The following PHOX2A variants were observed in gnomAD, a reference collection of about 807,000 sequenced individuals.
The protein encoded by PHOX2A is paired mesoderm homeobox protein 2A.
Under a neutral mutation model 16.4 loss-of-function variants are expected in PHOX2A, and 10 were observed. The observed-to-expected ratio is 0.61, with a 90% CI of 0.38 to 1.04. The LOEUF (loss-of-function observed/expected upper bound fraction) is 1.04. Among genes scored for constraint, PHOX2A ranks in the 50% least tolerant of loss-of-function variants. The probability of loss-of-function intolerance (pLI) is 0.01; values close to 1 mark genes in which losing one functional copy is unlikely to be tolerated. For missense variants in PHOX2A, 361 were observed against 419.4 expected, an observed-to-expected ratio of 0.86 and a Z score of 1.22; for synonymous variants, 219 against 203.8, an observed-to-expected ratio of 1.07 and a Z score of -0.64.
chr11:72,239,447 T>C lies in PHOX2A; in HGVS notation c.*302A>G. 1 of 280,708 alleles carries C rather than the reference T, an allele frequency of 3.6e-6. No individual in the cohort carries two copies. The highest frequency in any genetic ancestry group is 2.2e-5 in the African/African-American group (1 of 45,786). 17.4% of individuals were successfully genotyped at this position (280,708 alleles called of 1,614,324 possible). ...TTGAGGACCTTCACTTTGAGGGCAC[T>C]GTTAGGGACAGGCCTCATGTGATAC... is the stretch of plus-strand genomic sequence containing the variant. On this transcript the variant is annotated 3_prime_UTR_variant, in exon 3 of 3. Transcript: ENST00000298231.
chr11:72,242,329 T>G (rs1167500537), intron 1 of PHOX2A, among the ~76,000 whole-genome samples: 1 of 152,136 alleles, frequency 6.6e-6, no homozygotes, highest in African/African-American at 2.4e-5. Flanking sequence ...GCACCCCATT[T>G]GTATTCTTAT....
rs746592765 is a variant in PHOX2A, at chr11:72,239,811, A to G, written c.793T>C (p.Ser265Pro). 2 of 1,358,800 alleles carry G rather than the reference A, an allele frequency of 1.5e-6. No individual in the cohort carries two copies. The highest frequency in any genetic ancestry group is 5.8e-5 in the East Asian group (2 of 34,652). 84.2% of individuals were successfully genotyped at this position (1,358,800 alleles called of 1,614,324 possible). ...CGGTGAAAGGAGGACAGAACCCCGGAGAAGGGCCCGGGGCCGGACTCCGCC... is the reference window on the plus strand; with the variant it reads ...CGGTGAAAGGAGGACAGAACCCCGGGGAAGGGCCCGGGGCCGGACTCCGCC... The part of the protein sequence containing the change: ...QPAESGPGPF[S>P]GVLSSFHRKP... The change falls in exon 3 of 3, where the codon TCC becomes CCC. Residue 265 changes from serine (S) to proline (P), a missense_variant. By Grantham distance (74) the Ser-to-Pro change is moderately conservative. Around this residue, in one of 3 missense-constraint regions of PHOX2A, gnomAD observed 71 missense variants for 54.1 expected, o/e 1.31. Coordinates refer to ENST00000298231, the MANE Select transcript of PHOX2A (RefSeq NM_005169.4).
intron 2 of PHOX2A, 63 bp from the exon 3 acceptor site, chr11:72,240,261 G>A: frequency 2.0e-6 from 3 of 1,520,160 alleles, no homozygotes; most frequent in Non-Finnish European, 2.6e-6. Flanking sequence ...TCAGCCCGCG[G>A]CCGCAAGGCT....
chr11:72,243,442 G>C (rs987870442), intron 1 of PHOX2A, among the ~76,000 whole-genome samples: 1 of 152,182 alleles, frequency 6.6e-6, no homozygotes, highest in Admixed American at 6.5e-5. Context: ...GCTGGGCTGG[G>C]AGCCTTTTTC....
Position 72,239,835 on chromosome 11 carries a change from C to CCGGCTGCCAAG in PHOX2A, c.758_768dup (p.Ala257LeufsTer27). 3.7e-6 allele frequency: 5 copies of CCGGCTGCCAAG among 1,368,316 alleles called. No individual in the cohort carries two copies. Among genetic ancestry groups the CCGGCTGCCAAG allele is most frequent in the Non-Finnish European group, 4.8e-6 (5 of 1,050,944 alleles). 84.8% of individuals were successfully genotyped at this position (1,368,316 alleles called of 1,614,324 possible). A position where few individuals can be genotyped will look rare whatever the true frequency, so the allele number is the denominator to read the frequency against. Reference sequence around the variant, plus strand: ...GAGAAGGGCCCGGGGCCGGACTCCGCCGGCTGCCAAGCCTTAAGTAGTTCG... The same window carrying CCGGCTGCCAAG: ...GAGAAGGGCCCGGGGCCGGACTCCGCCGGCTGCCAAGCGGCTGCCAAGCCTTAAGTAGTTCG... On this transcript the variant is annotated frameshift_variant, in exon 3 of 3. Coordinates refer to ENST00000298231, the MANE Select transcript of PHOX2A (RefSeq NM_005169.4). LOFTEE classifies it high-confidence loss of function.
Position 72,241,260 on chromosome 11 carries a change from C to T in PHOX2A, c.247G>A (p.Gly83Ser). 1.4e-6 allele frequency: 2 copies of T among 1,449,220 alleles called. No homozygotes were observed. Among genetic ancestry groups the T allele is most frequent in the East Asian group, 3.1e-5 (1 of 32,302 alleles). 89.8% of individuals were successfully genotyped at this position (1,449,220 alleles called of 1,614,324 possible). A position where few individuals can be genotyped will look rare whatever the true frequency, so the allele number is the denominator to read the frequency against. ...CGCTGCTTGCGCTTCTCGTGCAGGC[C>T]GGATGGCTCTGGGAAGAACTTGTAG... is the stretch of plus-strand genomic sequence containing the variant. ...VPYKFFPEPS[G>S]LHEKRKQRRI... Residue 83 changes from glycine (G) to serine (S), a missense_variant, in exon 2 of 3, where the codon GGC becomes AGC. Physicochemically the swap from Gly to Ser is moderately conservative, Grantham distance 56. This residue lies in a region of PHOX2A where 235 missense variants were observed against 263.8 expected (regional missense o/e 0.89). Coordinates refer to ENST00000298231, the MANE Select transcript of PHOX2A (RefSeq NM_005169.4).
At position 72,244,011 on chromosome 11, in the gene PHOX2A, G is replaced by A. The variant is rs763677231; in HGVS notation, c.-7C>T. On this transcript the variant is annotated 5_prime_UTR_variant, in exon 1 of 3. Transcript: ENST00000298231. ...TGAGGTAGGAGTAGTCCATCGGCCC[G>A]GGGGGCGGGGGCGGGGGCCGGGCCA... The A allele has an allele frequency of 1.6e-6, 2 of 1,263,076 alleles. No homozygotes were observed. The highest frequency in any genetic ancestry group is 2.0e-6 in the Non-Finnish European group (2 of 993,878). 78.2% of individuals were successfully genotyped at this position (1,263,076 alleles called of 1,614,324 possible). A position where few individuals can be genotyped will look rare whatever the true frequency, so the allele number is the denominator to read the frequency against.
chr11:72,241,579 C>G (rs1949122760), intron 1 of PHOX2A, among the ~76,000 whole-genome samples: 1 of 143,978 alleles, frequency 6.9e-6, no homozygotes, highest in South Asian at 2.2e-4. Context: ...ACCCCACCCC[C>G]GTCGTCGCCC....
rs770179188 is a variant in PHOX2A, at chr11:72,241,177, A to C, written c.330T>G (p.Ala110=). The C allele has an allele frequency of 3.7e-6, 6 of 1,614,034 alleles. No homozygotes were observed. The highest frequency in any genetic ancestry group is 5.1e-6 in the Non-Finnish European group (6 of 1,180,036). The part of the protein sequence containing the change: ...AQLKELERVF[A]ETHYPDIYTR... ...TGTAAATGTCGGGGTAGTGGGTCTC[A>C]GCGAAAACGCGCTCCAGCTCCTTGA... is the stretch of plus-strand genomic sequence containing the variant. The change falls in exon 2 of 3, where the codon GCT becomes GCG. Residue 110 remains alanine (A), a synonymous_variant. Coordinates refer to ENST00000298231, the MANE Select transcript of PHOX2A (RefSeq NM_005169.4).
rs1237133294 is a variant in PHOX2A, at chr11:72,243,855, G to C, written c.150C>G (p.Pro50=). The C allele has an allele frequency of 1.6e-6, 2 of 1,267,512 alleles. No homozygotes were observed. The highest frequency in any genetic ancestry group is 2.0e-6 in the Non-Finnish European group (2 of 1,002,592). 78.5% of individuals were successfully genotyped at this position (1,267,512 alleles called of 1,614,324 possible). A position where few individuals can be genotyped will look rare whatever the true frequency, so the allele number is the denominator to read the frequency against. Residue 50 remains proline, a synonymous_variant, in exon 1 of 3, where the codon CCC becomes CCG. Coordinates refer to ENST00000298231, the MANE Select transcript of PHOX2A (RefSeq NM_005169.4). ...GTGCGCAGTTGGAGGAGCCGAGCGC[G>C]GGGCAGGGCGGCCCTGCCGCGGGGA... is the stretch of plus-strand genomic sequence containing the variant. ...PAFPAAGPPC[P]ALGSSNCALG... is the part of the protein sequence containing the mutation.
Position 72,239,573 on chromosome 11 carries a change from G to A in PHOX2A, c.*176C>T, listed in dbSNP as rs1460156441. ...CTGCTGGTAGAGGGTGGGTGAGGAC[G>A]AGAGTGGCCCTGACTTGGTCTCCAA... On this transcript the variant is annotated 3_prime_UTR_variant, in exon 3 of 3. Coordinates refer to ENST00000298231, the MANE Select transcript of PHOX2A (RefSeq NM_005169.4). The A allele has an allele frequency of 4.6e-6, 2 of 432,296 alleles. No homozygotes were observed. The highest frequency in any genetic ancestry group is 2.0e-5 in the African/African-American group (1 of 49,066). 26.8% of individuals were successfully genotyped at this position (432,296 alleles called of 1,614,324 possible). A position where few individuals can be genotyped will look rare whatever the true frequency, so the allele number is the denominator to read the frequency against.
Position 72,241,436 on chromosome 11 carries a change from G to A in PHOX2A, c.218-147C>T, listed in dbSNP as rs1949120401. The A allele has an allele frequency of 1.1e-5, 7 of 615,902 alleles. No homozygotes were observed. In the South Asian group the frequency reaches 1.2e-4, roughly 10 times the overall value. The allele number at this position is 615,902 out of a possible 1,614,324, so 38.2% of individuals were successfully genotyped here. On this transcript the variant is annotated intron_variant, in intron 1 of 2. Transcript: ENST00000298231. Reference sequence around the variant, plus strand: ...CCCTCGTCTTGGTCCCGGCAGCCTGGGGCCGAGCGTCCTCCCTATTACTCA... The same window carrying A: ...CCCTCGTCTTGGTCCCGGCAGCCTGAGGCCGAGCGTCCTCCCTATTACTCA...
intron 2 of PHOX2A, among the ~76,000 whole-genome samples, chr11:72,240,464 G>T (rs935764500): frequency 6.6e-6 from 1 of 152,226 alleles, no homozygotes; most frequent in Non-Finnish European, 1.5e-5. Flanking sequence ...TCCCGGAGGG[G>T]ACCCTGCCTT....
chr11:72,243,736 C>T, intron 1 of PHOX2A, 52 bp downstream of exon 1: 1 of 1,096,994 alleles, frequency 9.1e-7, no homozygotes, highest in Non-Finnish European at 1.2e-6. Context: ...GGCGAGCGGG[C>T]CCAGGGATTC....
Position 72,239,782 on chromosome 11 carries a change from C to A in PHOX2A, c.822G>T (p.Lys274Asn). Residue 274 changes from lysine (K) to asparagine (N), a missense_variant, in exon 3 of 3, where the codon AAG (lysine) becomes AAT (asparagine). This residue lies in a region of PHOX2A where 71 missense variants were observed against 54.1 expected (regional missense o/e 1.31). Transcript: ENST00000298231. ...FSGVLSSFHR[K>N]PGPALKTNLF ...GATTGGTCTTCAGGGCGGGGCCGGG[C>A]TTCCGGTGAAAGGAGGACAGAACCC... The A allele has an allele frequency of 7.5e-7, 1 of 1,331,190 alleles. No homozygotes were observed. Among genetic ancestry groups the A allele is most frequent in the East Asian group, 2.8e-5 (1 of 35,234 alleles). 82.5% of individuals were successfully genotyped at this position (1,331,190 alleles called of 1,614,324 possible). A position where few individuals can be genotyped will look rare whatever the true frequency, so the allele number is the denominator to read the frequency against.
intron 1 of PHOX2A, among the ~76,000 whole-genome samples, 170 bp downstream of exon 1, chr11:72,243,618 G>C (rs986278481): frequency 3.9e-5 from 6 of 152,146 alleles, no homozygotes; most frequent in Non-Finnish European, 8.8e-5. Context: ...AGAGGGTGAG[G>C]CTCATTCCTG....
In PHOX2A at chr11:72,244,040, C is replaced by T; in HGVS notation, c.-36G>A. Reference sequence around the variant, plus strand: ...GGCGGGGGCGGGGGCCGGGCCAGGCCGGGTCGGGGTCGGGGTCCGGGTGGA... The same window carrying T: ...GGCGGGGGCGGGGGCCGGGCCAGGCTGGGTCGGGGTCGGGGTCCGGGTGGA... On this transcript the variant is annotated 5_prime_UTR_variant, in exon 1 of 3. Coordinates refer to ENST00000298231, the MANE Select transcript of PHOX2A (RefSeq NM_005169.4). 9.5e-6 allele frequency: 5 copies of T among 526,812 alleles called. No homozygotes were observed. Among genetic ancestry groups the T allele is most frequent in the Non-Finnish European group, 7.8e-6 (3 of 383,708 alleles). The allele number at this position is 526,812 out of a possible 1,614,324, so 32.6% of individuals were successfully genotyped here.
At position 72,243,892 on chromosome 11, in the gene PHOX2A, A is replaced by AG; in HGVS notation, c.112dup (p.Leu38ProfsTer74). On this transcript the variant is annotated frameshift_variant, in exon 1 of 3. Coordinates refer to ENST00000298231, the MANE Select transcript of PHOX2A (RefSeq NM_005169.4). LOFTEE classifies it high-confidence loss of function. ...CCCTGCCGCGGGGAAAGCGGGCCGC[A>AG]GGGGGCTGTATTGGAAGCCGCCGGG... The AG allele has an allele frequency of 7.8e-7, 1 of 1,286,626 alleles. No homozygotes were observed. The highest frequency in any genetic ancestry group is 9.9e-7 in the Non-Finnish European group (1 of 1,012,040). 79.7% of individuals were successfully genotyped at this position (1,286,626 alleles called of 1,614,324 possible). A position where few individuals can be genotyped will look rare whatever the true frequency, so the allele number is the denominator to read the frequency against.
At chr11:72,240,779 C>G (rs1409233527) in intron 2 of PHOX2A, among the ~76,000 whole-genome samples, 2 of 152,214 alleles carry the variant, frequency 1.3e-5, no homozygotes, top group Admixed American at 1.3e-4. Flanking sequence ...GGCCTGCCCC[C>G]TCTCCTCCTC....
Sources: gnomAD v4.1 joint callset for allele counts (sites outside exome capture counted in the v4.1 genomes callset) on GRCh38, gnomAD v4.1.1 for gene constraint, gnomAD v4.1.1 regional missense constraint, MANE v1.5 for transcripts, NCBI Gene and HGNC (gene_info 2026-07-23, HGNC 2026-07-21) for gene names.